The following KLHL30 variants were observed in gnomAD, a reference collection of about 807,000 sequenced individuals.
KLHL30 encodes the protein kelch like family member 30, also known as kelch-like protein 30.
A neutral mutation model predicts 55.0 loss-of-function variants in KLHL30; 55 were observed. The observed-to-expected ratio is 1.00, with a 90% confidence interval of 0.80 to 1.25. KLHL30 has a LOEUF of 1.25. Among genes scored for constraint, KLHL30 ranks in the 50% most tolerant of loss-of-function variants. KLHL30 has a pLI of 0.00. For missense variants in KLHL30, 786 were observed against 811.6 expected, an observed-to-expected ratio of 0.97 and a Z score of 0.38; for synonymous variants, 356 against 372.6, an observed-to-expected ratio of 0.96 and a Z score of 0.51.
At chr2:238,144,122 C>G (rs1692588336) in intron 3 of KLHL30, among the ~76,000 whole-genome samples, 1 of 152,222 alleles carries the variant, frequency 6.6e-6, no homozygotes, top group South Asian at 2.1e-4. Flanking sequence ...GACTTGGGCA[C>G]ATTGCTCTGC....
chr2:238,140,639 G>A, intron 1 of KLHL30, 46 bp from the exon 2 acceptor site: 1 of 1,134,188 alleles, frequency 8.8e-7, no homozygotes, highest in South Asian at 1.7e-5. Context: ...TGCTCAGGAG[G>A]ATGAGACCAT....
intron 1 of KLHL30, among the ~76,000 whole-genome samples, chr2:238,140,001 C>T (rs1692503325): frequency 6.6e-6 from 1 of 152,222 alleles, no homozygotes; most frequent in African/African-American, 2.4e-5. Flanking sequence ...GTTTAGCAGC[C>T]TCCACCCGGC....
chr2:238,145,054 C>T, intron 4 of KLHL30, 66 bp downstream of exon 4: 1 of 1,297,494 alleles, frequency 7.7e-7, no homozygotes, highest in South Asian at 1.3e-5. Context: ...AGTGCAACTC[C>T]CCGCACTCCG....
In KLHL30 at chr2:238,144,422, G is replaced by A. The variant is rs868493605; in HGVS notation, c.908-480G>A. On this transcript the variant is annotated intron_variant, in intron 3 of 7. Coordinates refer to ENST00000409223, the MANE Select transcript of KLHL30 (RefSeq NM_198582.4). ...AGGAAGGAAGGAAGGAAGGAAGGAA[G>A]GAAGGAAGGAAGGCAGGCAGGCAGG... Among the ~76,000 whole-genome samples the A allele has an allele frequency of 5.6e-4, 59 of 106,100 alleles. 1 individual carries two copies. Among genetic ancestry groups the A allele is most frequent in the Non-Finnish European group, 8.6e-4 (42 of 49,096 alleles). The allele number at this position is 106,100 out of a possible 152,430, so 69.6% of individuals were successfully genotyped here.
rs1035149477 is a variant in KLHL30 at position 238,151,829 on chromosome 2, C to T, written c.*764C>T. ...TTTTGCTCTCAGAAGGGATTGCCTC[C>T]GTCTCTGTGTGTCAGAACAAAGGCT... On this transcript the variant is annotated 3_prime_UTR_variant, in exon 8 of 8. Coordinates refer to ENST00000409223, the MANE Select transcript of KLHL30 (RefSeq NM_198582.4). 72 of 965,372 alleles carry T rather than the reference C, an allele frequency of 7.5e-5. No individual in the cohort carries two copies. The Admixed American group carries it at 3.9e-3, about 52-fold the overall frequency. The allele number at this position is 965,372 out of a possible 1,614,324, so 59.8% of individuals were successfully genotyped here.
At chr2:238,139,917 G>T (rs921451799) in intron 1 of KLHL30, among the ~76,000 whole-genome samples, 2 of 152,344 alleles carry the variant, frequency 1.3e-5, no homozygotes, top group East Asian at 1.9e-4. Context: ...CCTGAAAGCG[G>T]CCTTGCTGAC....
rs1392143240 is a variant in KLHL30, at chr2:238,150,895, C to A, written c.1567C>A (p.Gln523Lys). The A allele has an allele frequency of 6.3e-7, 1 of 1,599,872 alleles. No individual in the cohort carries two copies. The highest frequency in any genetic ancestry group is 8.5e-7 in the Non-Finnish European group (1 of 1,174,518). ...DALYVTGGRW[Q>K]GMEGDYHVEM... ...GCTGTACGTGACGGGCGGCCGCTGG[C>A]AGGGCATGGAAGGTGACTACCACGT... Residue 523 changes from glutamine to lysine, a missense_variant, in exon 8 of 8, where the codon CAG becomes AAG. Physicochemically the swap from Gln to Lys is moderately conservative, Grantham distance 53 (BLOSUM62 1). Transcript: ENST00000409223.
chr2:238,142,959 A>G (rs544093545), intron 3 of KLHL30, 28 bp downstream of exon 3: 2 of 1,499,924 alleles, frequency 1.3e-6, no homozygotes, highest in South Asian at 1.4e-5. Flanking sequence ...GTCCAGACCC[A>G]CCTGCTGTCT....
chr2:238,141,214 G>T lies in KLHL30; in HGVS notation c.460G>T (p.Ala154Ser), dbSNP rs757599164. ...QQGLLGVAAK[A>S]WAFLRENFEA... is the part of the protein sequence containing the mutation. ...AGGGCTGCTGGGCGTGGCTGCCAAG[G>T]CCTGGGCCTTCCTGCGAGAGAACTT... The change falls in exon 2 of 8, where the codon GCC becomes TCC. Residue 154 changes from alanine to serine, a missense_variant. Coordinates refer to ENST00000409223, the MANE Select transcript of KLHL30 (RefSeq NM_198582.4). 3 of 1,610,756 alleles carry T rather than the reference G, an allele frequency of 1.9e-6. No individual in the cohort carries two copies. Among genetic ancestry groups the T allele is most frequent in the Admixed American group, 1.7e-5 (1 of 59,982 alleles).
chr2:238,142,781 T>TGGCCTCCCACCCC lies in KLHL30; in HGVS notation c.775-17_775-5dup. On this transcript the variant is annotated splice_polypyrimidine_tract_variant and intron_variant, in intron 2 of 7. Coordinates refer to ENST00000409223, the MANE Select transcript of KLHL30 (RefSeq NM_198582.4). ...GGACACATTGCTGTTGCCCTGACCC[T>TGGCCTCCCACCCC]GGCCTCCCACCCCACAGGCACCACT... 7.3e-7 allele frequency: 1 copy of TGGCCTCCCACCCC among 1,379,188 alleles called. No individual in the cohort carries two copies. Among genetic ancestry groups the TGGCCTCCCACCCC allele is most frequent in the Non-Finnish European group, 9.4e-7 (1 of 1,067,878 alleles). 85.4% of individuals were successfully genotyped at this position (1,379,188 alleles called of 1,614,324 possible). A position where few individuals can be genotyped will look rare whatever the true frequency, so the allele number is the denominator to read the frequency against.
At chr2:238,142,148 C>A (rs1692554298) in intron 2 of KLHL30, among the ~76,000 whole-genome samples, 1 of 152,174 alleles carries the variant, frequency 6.6e-6, no homozygotes, top group Non-Finnish European at 1.5e-5. Context: ...TGCCGGGCAC[C>A]CTGCTCAGGG....
rs548766837 is a variant in KLHL30, at chr2:238,142,892, C to T, written c.868C>T (p.Pro290Ser). Residue 290 changes from proline to serine, a missense_variant, in exon 3 of 8, where the codon CCC becomes TCC. Transcript: ENST00000409223. ...GGAGGAGGCAGGTGAGGAGCCCACC[C>T]CCGGCCTTGGGAACTTTGCCTTCTA... ...EEEEAGEEPTPGLGNFAFYNS... is the reference protein window; with the variant it reads ...EEEEAGEEPTSGLGNFAFYNS... 1.3e-6 allele frequency: 2 copies of T among 1,497,192 alleles called. No individual in the cohort carries two copies. The highest frequency in any genetic ancestry group is 1.8e-6 in the Non-Finnish European group (2 of 1,134,418). The allele number at this position is 1,497,192 out of a possible 1,614,324, so 92.7% of individuals were successfully genotyped here.
At chr2:238,143,698 C>T (rs1692582318) in intron 3 of KLHL30, among the ~76,000 whole-genome samples, 1 of 152,348 alleles carries the variant, frequency 6.6e-6, no homozygotes, top group African/African-American at 2.4e-5. Context: ...AGCCTGAGGC[C>T]AGCTGTTCGG....
In KLHL30 at chr2:238,142,853, C is replaced by G. The variant is rs371220015; in HGVS notation, c.829C>G (p.Gln277Glu). The change falls in exon 3 of 8, where the codon CAG becomes GAG. Residue 277 changes from glutamine (Q) to glutamate (E), a missense_variant. Transcript: ENST00000409223. The stretch of plus-strand genomic sequence containing the variant: ...GGAGGTCCTGGTGGTGGTGGGCGGG[C>G]AGGCGCTGGAGGAGGAGGAGGCAGG... ...LEEVLVVVGG[Q>E]ALEEEEAGEE... The G allele has an allele frequency of 1.6e-5, 24 of 1,464,170 alleles. No homozygotes were observed. In the African/African-American group the frequency reaches 2.2e-4, roughly 14 times the overall value. The allele number at this position is 1,464,170 out of a possible 1,614,324, so 90.7% of individuals were successfully genotyped here.
At position 238,147,896 on chromosome 2, in the gene KLHL30, G is replaced by A. The variant is rs750160276; in HGVS notation, c.1213G>A (p.Val405Ile). Residue 405 changes from valine (V) to isoleucine (I), a missense_variant, in exon 6 of 8, where the codon GTC becomes ATC. By Grantham distance (29) the Val-to-Ile change is conservative. Transcript: ENST00000409223. This position sits in a 1 kb window ranked among gnomAD's most constrained non-coding sequence, Gnocchi z 5.8. The part of the protein sequence containing the change: ...YDPYTDSWTP[V>I]SPALKYVSNF... Reference sequence around the variant, plus strand: ...CCCCTACACGGACAGCTGGACGCCCGTCAGCCCGGCCCTCAAATACGTCAG... The same window carrying A: ...CCCCTACACGGACAGCTGGACGCCCATCAGCCCGGCCCTCAAATACGTCAG... 75 of 1,599,776 alleles carry A rather than the reference G, an allele frequency of 4.7e-5. No individual in the cohort carries two copies. The highest frequency in any genetic ancestry group is 6.1e-5 in the Non-Finnish European group (72 of 1,172,966).
At position 238,151,123 on chromosome 2, in the gene KLHL30, A is replaced by G; in HGVS notation, c.*58A>G. On this transcript the variant is annotated 3_prime_UTR_variant, in exon 8 of 8. Coordinates refer to ENST00000409223, the MANE Select transcript of KLHL30 (RefSeq NM_198582.4). ...ACAGCGGCCCCTCATCAGCCTGTGG[A>G]ACGGCCCCTTTCATTTTCGCTTATT... 1.3e-6 allele frequency: 2 copies of G among 1,523,720 alleles called. No homozygotes were observed. The highest frequency in any genetic ancestry group is 1.8e-6 in the Non-Finnish European group (2 of 1,131,278). The allele number at this position is 1,523,720 out of a possible 1,614,324, so 94.4% of individuals were successfully genotyped here. A position where few individuals can be genotyped will look rare whatever the true frequency, so the allele number is the denominator to read the frequency against.
intron 5 of KLHL30, among the ~76,000 whole-genome samples, chr2:238,146,738 C>T (rs1396771664): frequency 1.3e-5 from 2 of 151,412 alleles, no homozygotes; most frequent in Admixed American, 6.6e-5. Context: ...AAAAAATAGC[C>T]AGGCCAGGTG....
chr2:238,140,812 C>G lies in KLHL30; in HGVS notation c.58C>G (p.Leu20Val), dbSNP rs369391602. ...FHLPSHAQDM[L>V]DGLQRLRSQP... The stretch of plus-strand genomic sequence containing the variant: ...CCTGCCCTCGCATGCCCAGGACATG[C>G]TGGATGGCCTGCAGCGCCTGCGCTC... The change falls in exon 2 of 8, where the codon CTG becomes GTG. Residue 20 changes from leucine to valine, a missense_variant. By Grantham distance (32) the Leu-to-Val change is conservative. Coordinates refer to ENST00000409223, the MANE Select transcript of KLHL30 (RefSeq NM_198582.4). 2.5e-6 allele frequency: 4 copies of G among 1,600,676 alleles called. No homozygotes were observed. Among genetic ancestry groups the G allele is most frequent in the Middle Eastern group, 1.7e-4 (1 of 6,026 alleles).
chr2:238,146,884 T>TA (rs1475867862), intron 5 of KLHL30, among the ~76,000 whole-genome samples: 2 of 151,018 alleles, frequency 1.3e-5, no homozygotes, highest in African/African-American at 2.4e-5. Context: ...GCTGGACATG[T>TA]AATCCCAGCT....
Sources: allele counts gnomAD v4.1 joint callset (sites outside exome capture counted in the v4.1 genomes callset), GRCh38; gene constraint gnomAD v4.1.1; non-coding constraint Gnocchi (gnomAD v3.1); transcripts MANE v1.5; gene names NCBI Gene and HGNC (gene_info 2026-07-23, HGNC 2026-07-21).